Variants in SERPINB13 observed in about 807,000 individuals in gnomAD.
The protein encoded by SERPINB13 is serpin B13.
SERPINB13 carries 26 observed loss-of-function variants against 31.2 expected under a neutral mutation model. The observed-to-expected ratio is 0.83, with a 90% confidence interval of 0.61 to 1.15. The LOEUF is 1.15. SERPINB13 is among the 50% of genes most tolerant of loss of function. The pLI, the probability that SERPINB13 is intolerant of heterozygous loss-of-function variation, is 0.00. For synonymous variants in SERPINB13, 191 were observed against 172.4 expected, an observed-to-expected ratio of 1.11 and a Z score of -0.85; for missense variants, 510 against 469.4, an observed-to-expected ratio of 1.09 and a Z score of -0.80.
intron 4 of SERPINB13, 149 bp downstream of exon 4, chr18:63,592,625 T>A: frequency 1.1e-6 from 1 of 889,558 alleles, no homozygotes; most frequent in Non-Finnish European, 1.7e-6. Flanking sequence ...TATTCAGAAC[T>A]GCAGGGAGTT....
intron 5 of SERPINB13, chr18:63,593,925 T>C (rs910018160): frequency 2.2e-6 from 1 of 459,988 alleles, no homozygotes; most frequent in Non-Finnish European, 4.5e-6. Flanking sequence ...TAACACAGAG[T>C]GCTTATTATG....
At chr18:63,593,101 A>G in intron 5 of SERPINB13, 130 bp downstream of exon 5, 2 of 633,762 alleles carry the variant, frequency 3.2e-6, no homozygotes. Context: ...CATGCAGTGC[A>G]CAAGCTTTGG....
Position 63,595,054 on chromosome 18 carries a change from T to TG in SERPINB13, c.642dup (p.Thr215AspfsTer7). Reference sequence around the variant, plus strand: ...AGCACAAGTAAATCTGTACAGATGATGACACAGAGCCATTCCTTTAGCTTC... The same window carrying TG: ...AGCACAAGTAAATCTGTACAGATGATGGACACAGAGCCATTCCTTTAGCTTC... On this transcript the variant is annotated frameshift_variant, in exon 7 of 8. Coordinates refer to ENST00000344731, the MANE Select transcript of SERPINB13 (RefSeq NM_012397.4). LOFTEE classifies it high-confidence loss of function. The TG allele has an allele frequency of 6.2e-7, 1 of 1,613,712 alleles. No homozygotes were observed. Among genetic ancestry groups the TG allele is most frequent in the Admixed American group, 1.7e-5 (1 of 59,914 alleles).
rs139791932 is a variant in SERPINB13 at position 63,594,463 on chromosome 18, A to G, written c.581A>G (p.Glu194Gly). The G allele has an allele frequency of 1.6e-4, 259 of 1,614,158 alleles. No homozygotes were observed. The highest frequency in any genetic ancestry group is 1.9e-4 in the Non-Finnish European group (230 of 1,180,014). ...CAATGGGACAGGGAGTTTAAGAAAG[A>G]AAATACTAAGGAAGAGAAATTTTGG... ...KGQWDREFKK[E>G]NTKEEKFWMN... Residue 194 changes from glutamate (E) to glycine (G), a missense_variant, in exon 6 of 8, where the codon GAA becomes GGA. Coordinates refer to ENST00000344731, the MANE Select transcript of SERPINB13 (RefSeq NM_012397.4).
In SERPINB13 at chr18:63,588,804, G is replaced by A; in HGVS notation, c.137G>A (p.Arg46Gln). Reference protein sequence around the residue: ...TAIGMVLLGTRGATASQLEEV... With the variant: ...TAIGMVLLGTQGATASQLEEV... ...ATTGGCATGGTCCTCCTGGGGACCC[G>A]AGGAGCCACCGCTTCCCAGTTGGAG... Residue 46 changes from arginine (R) to glutamine (Q), a missense_variant, in exon 2 of 8, where the codon CGA becomes CAA. Physicochemically the swap from Arg to Gln is conservative, Grantham distance 43 (BLOSUM62 1). Transcript: ENST00000344731. 2.5e-6 allele frequency: 4 copies of A among 1,614,070 alleles called. No homozygotes were observed. The highest frequency in any genetic ancestry group is 3.4e-6 in the Non-Finnish European group (4 of 1,179,970).
intron 1 of SERPINB13, 30 bp from the exon 2 acceptor site, chr18:63,588,621 C>G (rs772341851): frequency 1.9e-6 from 3 of 1,600,502 alleles, no homozygotes; most frequent in Non-Finnish European, 2.6e-6. Flanking sequence ...TTCAAATGTT[C>G]AGTTTTGATT....
intron 2 of SERPINB13, among the ~76,000 whole-genome samples, 166 bp from the exon 3 acceptor site, chr18:63,589,490 C>CACACACACAT (rs202159249): frequency 1.5e-4 from 23 of 151,002 alleles, no homozygotes; most frequent in African/African-American, 5.4e-4. Flanking sequence ...CACACACACA[C>CACACACACAT]GAAAAATCAG....
chr18:63,588,532 A>G (rs759769448), intron 1 of SERPINB13, 119 bp from the exon 2 acceptor site: 14 of 1,045,062 alleles, frequency 1.3e-5, no homozygotes, highest in Non-Finnish European at 1.9e-5. Context: ...CCTTTCACCA[A>G]AAGGGTGGAA....
intron 6 of SERPINB13, 98 bp from the exon 7 acceptor site, chr18:63,594,931 T>G: frequency 8.8e-7 from 1 of 1,142,348 alleles, no homozygotes; most frequent in South Asian, 1.6e-5. Context: ...TGGGTTTTAT[T>G]TTAGATTGAG....
At position 63,588,641 on chromosome 18, in the gene SERPINB13, GC is replaced by G; in HGVS notation, c.-17-9del. ...ATGTTCAGTTTTGATTGTTGTTCTT[GC>G]TATTCTAGGTCTCGCTAAAATCATC... On this transcript the variant is annotated splice_polypyrimidine_tract_variant and intron_variant, in intron 1 of 7. Transcript: ENST00000344731. The G allele has an allele frequency of 6.2e-7, 1 of 1,612,742 alleles. No individual in the cohort carries two copies.
At position 63,591,584 on chromosome 18, in the gene SERPINB13, A is replaced by T. The variant is rs558460612; in HGVS notation, c.226-764A>T. On this transcript the variant is annotated intron_variant, in intron 3 of 7. Coordinates refer to ENST00000344731, the MANE Select transcript of SERPINB13 (RefSeq NM_012397.4). ...GTAGCTACTCAAGTGGCTATTGAAC[A>T]CTTGCAATACATCTAGTTTGAATCC... 3.3e-5 allele frequency among the ~76,000 whole-genome samples: 5 copies of T among 152,302 alleles called. No homozygotes were observed. In the East Asian group the frequency reaches 9.6e-4, roughly 29 times the overall value.
chr18:63,590,605 GCA>G (rs1911795881), intron 3 of SERPINB13, among the ~76,000 whole-genome samples: 1 of 152,208 alleles, frequency 6.6e-6, no homozygotes, highest in South Asian at 2.1e-4. Context: ...TGTCTTCAGA[GCA>G]CATTCTTTCT....
intron 3 of SERPINB13, among the ~76,000 whole-genome samples, chr18:63,591,130 C>T (rs1911825596): frequency 1.3e-5 from 2 of 152,146 alleles, no homozygotes; most frequent in Admixed American, 6.5e-5. Context: ...CTTCCTTGAG[C>T]ACGCCCCCAT....
chr18:63,594,916 G>C lies in SERPINB13; in HGVS notation c.616-113G>C, dbSNP rs985906699. The stretch of plus-strand genomic sequence containing the variant: ...TAGTGGATGCTCATTCTGAGACTCT[G>C]ATATTGGGTTTTATTTTAGATTGAG... On this transcript the variant is annotated intron_variant, in intron 6 of 7. Coordinates refer to ENST00000344731, the MANE Select transcript of SERPINB13 (RefSeq NM_012397.4). 5.1e-6 allele frequency: 5 copies of C among 976,578 alleles called. No homozygotes were observed. In the African/African-American group the frequency reaches 8.2e-5, roughly 16 times the overall value. 60.5% of individuals were successfully genotyped at this position (976,578 alleles called of 1,614,324 possible).
At chr18:63,591,442 T>C (rs955163464) in intron 3 of SERPINB13, among the ~76,000 whole-genome samples, 6 of 123,236 alleles carry the variant, frequency 4.9e-5, no homozygotes, top group African/African-American at 1.0e-4. Flanking sequence ...CCTCCTTCCT[T>C]CCTTTTTTCT....
chr18:63,592,309 G>A, intron 3 of SERPINB13, 39 bp from the exon 4 acceptor site: 1 of 1,589,306 alleles, frequency 6.3e-7, no homozygotes. Flanking sequence ...GCTTGCTTTT[G>A]CCAAGATAAC....
chr18:63,589,974 T>A, intron 3 of SERPINB13: 1 of 590,236 alleles, frequency 1.7e-6, no homozygotes, highest in East Asian at 3.8e-5. Context: ...TGGTAAAGGC[T>A]AATAGACAGA....
rs1274017374 is a variant in SERPINB13, at chr18:63,597,244, T to C, written c.1057T>C (p.Phe353Leu). 2.5e-6 allele frequency: 4 copies of C among 1,614,084 alleles called. No homozygotes were observed. Among genetic ancestry groups the C allele is most frequent in the Non-Finnish European group, 3.4e-6 (4 of 1,180,026 alleles). Residue 353 changes from phenylalanine to leucine, a missense_variant, in exon 8 of 8, where the codon TTT becomes CTT. By Grantham distance (22) the Phe-to-Leu change is conservative (BLOSUM62 0). Transcript: ENST00000344731. The stretch of plus-strand genomic sequence containing the variant: ...GGCTGCAGCTGCCACCGGCATAGGC[T>C]TTACTGTCACATCCGCCCCAGGTCA... ...TEAAAATGIG[F>L]TVTSAPGHEN...
At chr18:63,590,313 T>C (rs1363174932) in intron 3 of SERPINB13, among the ~76,000 whole-genome samples, 2 of 152,132 alleles carry the variant, frequency 1.3e-5, no homozygotes, top group African/African-American at 2.4e-5. Context: ...TACTCAAATA[T>C]GGGAAAGGAA....
Sources: allele counts gnomAD v4.1 joint callset (sites outside exome capture counted in the v4.1 genomes callset), GRCh38; gene constraint gnomAD v4.1.1; transcripts MANE v1.5; gene names NCBI Gene and HGNC (gene_info 2026-07-23, HGNC 2026-07-21).